TMEM177: variants seen among roughly 807,000 people sequenced by gnomAD.
The protein encoded by TMEM177 is transmembrane protein 177.
A neutral mutation model predicts 14.2 loss-of-function variants in TMEM177; 4 were observed. The ratio of observed to expected loss-of-function variants is 0.28; its 90% confidence interval spans 0.14 to 0.64. The LOEUF is 0.64. Among genes scored for constraint, TMEM177 ranks in the 30% least tolerant of loss-of-function variants. The probability of loss-of-function intolerance (pLI) is 0.82; values close to 1 mark genes in which losing one functional copy is unlikely to be tolerated. For synonymous variants in TMEM177, 179 were observed against 174.5 expected (o/e 1.03, Z -0.20); for missense variants, 344 against 405.2 (o/e 0.85, Z 1.30).
At chr2:119,720,706 A>G in the TMEM177 span, among the ~76,000 whole-genome samples, 10 of 152,168 alleles carry the variant, frequency 6.6e-5, no homozygotes, top group African/African-American at 2.4e-4. Flanking sequence ...AAAAAGTGAA[A>G]ACTCTGGAAC....
chr2:119,701,064 G>T, the TMEM177 span, among the ~76,000 whole-genome samples: 6 of 152,226 alleles, frequency 3.9e-5, no homozygotes, highest in Admixed American at 3.3e-4. Context: ...GGGCAGGAAT[G>T]TGTGGTGACC....
the TMEM177 span, among the ~76,000 whole-genome samples, chr2:119,711,653 A>G: frequency 2.0e-5 from 3 of 152,104 alleles, no homozygotes; most frequent in Non-Finnish European, 4.4e-5. Context: ...CACCTTTGTC[A>G]TTGCCCAAGA....
chr2:119,707,944 C>T, the TMEM177 span, among the ~76,000 whole-genome samples: 1 of 152,228 alleles, frequency 6.6e-6, no homozygotes, highest in African/African-American at 2.4e-5. Flanking sequence ...GTCCCTGCTG[C>T]AGCTGCGGTT....
chr2:119,713,063 T>C, the TMEM177 span, among the ~76,000 whole-genome samples: 1 of 142,996 alleles, frequency 7.0e-6, no homozygotes, highest in Non-Finnish European at 1.5e-5. Flanking sequence ...AAACTTATGA[T>C]AATGGTTTTC....
the TMEM177 span, among the ~76,000 whole-genome samples, chr2:119,711,252 A>G: frequency 6.6e-6 from 1 of 152,190 alleles, no homozygotes; most frequent in Non-Finnish European, 1.5e-5. Context: ...AAAGCTATGG[A>G]ATTATGAAAA....
chr2:119,685,426 C>T (rs1233681115), downstream of TMEM177, among the ~76,000 whole-genome samples: 4 of 152,110 alleles, frequency 2.6e-5, no homozygotes, highest in African/African-American at 9.7e-5. Context: ...CGCGCACACA[C>T]ACACACAAAC....
At chr2:119,682,425 C>T (rs912749216), downstream of TMEM177, among the ~76,000 whole-genome samples, 2 of 152,126 alleles carry the variant, frequency 1.3e-5, no homozygotes, top group Non-Finnish European at 2.9e-5. Context: ...CAATTTTCCT[C>T]CACTCTGTTA....
At chr2:119,679,535 A>G (rs1315796070) in intron 1 of TMEM177, 1 of 152,168 alleles carries the variant, frequency 6.6e-6, no homozygotes, top group African/African-American at 2.4e-5. Flanking sequence ...TTCTTGATTA[A>G]GATAGGCCAA....
At chr2:119,712,617 C>A in the TMEM177 span, among the ~76,000 whole-genome samples, 1 of 152,178 alleles carries the variant, frequency 6.6e-6, no homozygotes, top group Non-Finnish European at 1.5e-5. Flanking sequence ...CTGCCAACAC[C>A]TTGACCTTCG....
At chr2:119,689,341 T>C (rs1198820626), downstream of TMEM177, among the ~76,000 whole-genome samples, 1 of 152,118 alleles carries the variant, frequency 6.6e-6, no homozygotes, top group East Asian at 1.9e-4. Flanking sequence ...ACACGTGAGT[T>C]CAGTGCTGTG....
chr2:119,705,009 T>C, the TMEM177 span, among the ~76,000 whole-genome samples: 1 of 152,158 alleles, frequency 6.6e-6, no homozygotes, highest in Non-Finnish European at 1.5e-5. Flanking sequence ...AAAAGGAGTG[T>C]GAGACAAAAG....
chr2:119,720,068 T>G, the TMEM177 span, among the ~76,000 whole-genome samples: 1 of 152,050 alleles, frequency 6.6e-6, no homozygotes, highest in Non-Finnish European at 1.5e-5. Context: ...AGTGCTAGGA[T>G]TATAGGTATG....
the TMEM177 span, among the ~76,000 whole-genome samples, chr2:119,720,688 C>G: frequency 6.6e-6 from 1 of 152,076 alleles, no homozygotes; most frequent in Admixed American, 6.5e-5. Flanking sequence ...TTGTCCCAAC[C>G]CTGAGTGAAA....
chr2:119,689,699 A>G (rs977929871), downstream of TMEM177, among the ~76,000 whole-genome samples: 1 of 152,078 alleles, frequency 6.6e-6, no homozygotes, highest in East Asian at 1.9e-4. Flanking sequence ...CTCCACCTTC[A>G]CTTAGGCAAG....
At chr2:119,715,293 T>C in the TMEM177 span, among the ~76,000 whole-genome samples, 1 of 152,040 alleles carries the variant, frequency 6.6e-6, no homozygotes, top group Admixed American at 6.6e-5. Context: ...GAGGGTGAGG[T>C]GGGAGAATTG....
the TMEM177 span, among the ~76,000 whole-genome samples, chr2:119,721,622 G>A: frequency 2.6e-5 from 4 of 152,272 alleles, no homozygotes; most frequent in East Asian, 7.7e-4. Context: ...TCTTGTAGGG[G>A]ACCGTGCCCT....
the TMEM177 span, among the ~76,000 whole-genome samples, chr2:119,716,607 T>A: frequency 6.6e-6 from 1 of 152,138 alleles, no homozygotes; most frequent in Non-Finnish European, 1.5e-5. Context: ...GAGCTCCACA[T>A]GCTCCTTCAA....
chr2:119,719,836 C>T, the TMEM177 span, among the ~76,000 whole-genome samples: 1 of 152,182 alleles, frequency 6.6e-6, no homozygotes, highest in African/African-American at 2.4e-5. Context: ...CTCTGTCACC[C>T]AGGCTGGTGT....
Position 119,681,655 on chromosome 2 carries a change from G to C in TMEM177, c.802G>C (p.Gly268Arg). ...LALRSLLGKD[G>R]EKLYTPSGNI... ...CCTGCGCAGTCTCTTGGGCAAAGAC[G>C]GGGAGAAGCTGTATACACCCAGCGG... is the stretch of plus-strand genomic sequence containing the variant. The change falls in exon 2 of 2, where the codon GGG becomes CGG. Residue 268 changes from glycine (G) to arginine (R), a missense_variant. Transcript: ENST00000272521. 2 of 1,614,192 alleles carry C rather than the reference G, an allele frequency of 1.2e-6. No individual in the cohort carries two copies. The highest frequency in any genetic ancestry group is 1.1e-5 in the South Asian group (1 of 91,090).
Sources: gnomAD v4.1 joint callset for allele counts (sites outside exome capture counted in the v4.1 genomes callset) on GRCh38, gnomAD v4.1.1 for gene constraint, MANE v1.5 for transcripts, NCBI Gene and HGNC (gene_info 2026-07-23, HGNC 2026-07-21) for gene names.